The following WDR20 variants were observed in gnomAD, a reference collection of about 807,000 sequenced individuals.
WDR20 encodes WD repeat domain 20.
A neutral mutation model predicts 38.7 loss-of-function variants in WDR20; 3 were observed. The ratio of observed to expected loss-of-function variants is 0.08; its 90% CI spans 0.04 to 0.20. The LOEUF (loss-of-function observed/expected upper bound fraction) is 0.20, where lower values mean the gene tolerates loss of function less well. Ranked by LOEUF, WDR20 falls within the 10% of genes least tolerant of loss-of-function variation. The probability of loss-of-function intolerance (pLI) is 1.00; values close to 1 mark genes in which losing one functional copy is unlikely to be tolerated. For synonymous variants in WDR20, 298 were observed against 285.6 expected (o/e 1.04, Z -0.44); for missense variants, 559 against 727.7 (o/e 0.77, Z 2.67).
intron 1 of WDR20, among the ~76,000 whole-genome samples, chr14:102,169,813 C>T (rs1208884616): frequency 6.6e-6 from 1 of 152,140 alleles, no homozygotes; most frequent in African/African-American, 2.4e-5. Context: ...CAGGAGTGAG[C>T]CACCGCGCCC....
intron 1 of WDR20, among the ~76,000 whole-genome samples, chr14:102,189,505 C>G (rs543160616): frequency 6.6e-6 from 1 of 152,198 alleles, no homozygotes; most frequent in Non-Finnish European, 1.5e-5. Flanking sequence ...TCTACAAATA[C>G]TTAGCCTCTG....
chr14:102,183,839 G>C (rs2063925802), intron 1 of WDR20, among the ~76,000 whole-genome samples: 1 of 152,232 alleles, frequency 6.6e-6, no homozygotes, highest in South Asian at 2.1e-4. Context: ...CCAAAGGTTA[G>C]AACAACAACA....
chr14:102,223,381 T>C (rs1424637795), exon 4 of WDR20: 1 of 152,680 alleles, frequency 6.5e-6, no homozygotes, highest in Non-Finnish European at 1.5e-5. Flanking sequence ...AATCACAGAT[T>C]TTAAAAAATT....
rs2063900608 is a variant in WDR20 at position 102,221,540 on chromosome 14, G to T, written c.1693-1290G>T. On this transcript the variant is annotated intron_variant, in intron 3 of 3. Coordinates refer to the WDR20 transcript ENST00000335263. The surrounding 1 kb of genome is among the most constrained non-coding windows in gnomAD (Gnocchi z 4.8). The stretch of plus-strand genomic sequence containing the variant: ...GGGGTCCTCCACAAGTACAAACAGG[G>T]TTCTGTCCCTTTTCAGGGGTCCCAG... Among the ~76,000 whole-genome samples the T allele has an allele frequency of 6.6e-6, 1 of 152,162 alleles. No homozygotes were observed. The highest frequency in any genetic ancestry group is 6.5e-5 in the Admixed American group (1 of 15,284).
Position 102,205,365 on chromosome 14 carries a change from G to C in WDR20, c.433-3238G>C, listed in dbSNP as rs545150228. On this transcript the variant is annotated intron_variant, in intron 2 of 2. Coordinates refer to ENST00000342702, the MANE Select transcript of WDR20 (RefSeq NM_144574.4). ...AGTGGATAAATGCGTATTCATATTT[G>C]CCTTGTACATGCACAAAGACACTCT... Among the ~76,000 whole-genome samples, 53 of 152,230 alleles carry C rather than the reference G, an allele frequency of 3.5e-4. 1 individual carries two copies. The highest frequency in any genetic ancestry group is 1.2e-3 in the African/African-American group (50 of 41,516).
intron 1 of WDR20, among the ~76,000 whole-genome samples, chr14:102,179,358 A>G (rs917431265): frequency 6.6e-6 from 1 of 151,794 alleles, no homozygotes; most frequent in Non-Finnish European, 1.5e-5. Context: ...CAGAAATTAA[A>G]CTTTCATTGA....
chr14:102,158,019 C>T (rs2057819065), intron 1 of WDR20, among the ~76,000 whole-genome samples: 1 of 152,052 alleles, frequency 6.6e-6, no homozygotes, highest in African/African-American at 2.4e-5. Flanking sequence ...CCCTTCCTTT[C>T]TCAATGTTTT....
intron 1 of WDR20, among the ~76,000 whole-genome samples, chr14:102,191,016 G>GAAAA (rs1172705763): frequency 6.7e-6 from 1 of 148,834 alleles, no homozygotes; most frequent in East Asian, 2.0e-4. Flanking sequence ...AAAAAAAAAA[G>GAAAA]AAAAAAATTA....
intron 1 of WDR20, among the ~76,000 whole-genome samples, chr14:102,152,536 T>TC (rs1352438977): frequency 6.6e-6 from 1 of 151,668 alleles, no homozygotes; most frequent in Non-Finnish European, 1.5e-5. Context: ...TGCCTCAGAC[T>TC]CCCGAGTAGC....
chr14:102,195,966 C>T (rs535150545), intron 2 of WDR20: 8 of 152,288 alleles, frequency 5.3e-5, no homozygotes, highest in African/African-American at 1.9e-4. Context: ...GCCCCTGAGG[C>T]GCAAGGGTCA....
intron 1 of WDR20, 97 bp downstream of exon 1, chr14:102,140,269 C>T: frequency 2.0e-6 from 3 of 1,536,150 alleles, no homozygotes; most frequent in African/African-American, 1.4e-5. Context: ...GAGGGGTGGC[C>T]GTCGCTCTTA....
At chr14:102,223,117 A>C in exon 4 of WDR20, 1 of 419,068 alleles carries the variant, frequency 2.4e-6, no homozygotes, top group Non-Finnish European at 4.2e-6. Flanking sequence ...AAAATAAGAA[A>C]TGGAGTTTTC....
At chr14:102,140,303 A>T in intron 1 of WDR20, 131 bp downstream of exon 1, 1 of 1,392,478 alleles carries the variant, frequency 7.2e-7, no homozygotes, top group Non-Finnish European at 9.7e-7. Context: ...CGGTAACTCC[A>T]CTGGGGTACT....
chr14:102,139,726 C>T, upstream of WDR20: 5 of 816,350 alleles, frequency 6.1e-6, no homozygotes, highest in Non-Finnish European at 9.4e-6. Flanking sequence ...GTGGAGCACG[C>T]CAGGTGAGCA....
intron 1 of WDR20, among the ~76,000 whole-genome samples, chr14:102,190,649 C>G (rs903805895): frequency 6.6e-6 from 1 of 151,782 alleles, no homozygotes; most frequent in Non-Finnish European, 1.5e-5. Context: ...GAGGATGGGG[C>G]TGAACCCTGG....
At chr14:102,176,490 A>G (rs899820439) in intron 1 of WDR20, among the ~76,000 whole-genome samples, 1 of 152,182 alleles carries the variant, frequency 6.6e-6, no homozygotes, top group Non-Finnish European at 1.5e-5. Context: ...TGAGGTCAAG[A>G]AATCGAGACT....
chr14:102,174,547 G>A (rs2061665181), intron 1 of WDR20, among the ~76,000 whole-genome samples: 1 of 152,152 alleles, frequency 6.6e-6, no homozygotes, highest in Admixed American at 6.5e-5. Context: ...AGCCTCCCGA[G>A]TAGCTGGGAC....
intron 1 of WDR20, among the ~76,000 whole-genome samples, chr14:102,191,022 A>T (rs1010923534): frequency 3.3e-5 from 5 of 152,012 alleles, no homozygotes; most frequent in African/African-American, 1.2e-4. Flanking sequence ...AAAAGAAAAA[A>T]ATTAGGAGAC....
At chr14:102,216,711 C>T (rs1203821614), downstream of WDR20, among the ~76,000 whole-genome samples, 1 of 152,170 alleles carries the variant, frequency 6.6e-6, no homozygotes, top group Non-Finnish European at 1.5e-5. Context: ...GGGTGGATCA[C>T]CTGAGCCCAG....
Sources: allele counts gnomAD v4.1 joint callset (sites outside exome capture counted in the v4.1 genomes callset), GRCh38; gene constraint gnomAD v4.1.1; non-coding constraint Gnocchi (gnomAD v3.1); transcripts MANE v1.5; gene names NCBI Gene and HGNC (gene_info 2026-07-23, HGNC 2026-07-21).